Variants in GABBR2 observed in about 807,000 individuals in gnomAD.
GABBR2 encodes the protein gamma-aminobutyric acid type B receptor subunit 2.
In GABBR2, 23 loss-of-function variants were observed where a neutral mutation model predicts 105.6. The observed-to-expected ratio is 0.22, with a 90% confidence interval of 0.16 to 0.31. The LOEUF is 0.31. Ranked by LOEUF, GABBR2 falls within the 10% of genes least tolerant of loss-of-function variation. The probability of loss-of-function intolerance (pLI) is 1.00; values close to 1 mark genes in which losing one functional copy is unlikely to be tolerated. For synonymous variants in GABBR2, 478 were observed against 499.7 expected (o/e 0.96, Z 0.58); for missense variants, 734 against 1,245.5 (o/e 0.59, Z 6.18).
intron 6 of GABBR2, among the ~76,000 whole-genome samples, chr9:98,455,158 A>AT (rs75911165): frequency 8.6e-5 from 13 of 151,692 alleles, no homozygotes; most frequent in Non-Finnish European, 1.0e-4. Context: ...TGAAAAAAAG[A>AT]TTTTTTTTTC....
chr9:98,655,935 G>C (rs1024533657), intron 1 of GABBR2, among the ~76,000 whole-genome samples: 1 of 152,214 alleles, frequency 6.6e-6, no homozygotes, highest in African/African-American at 2.4e-5. Flanking sequence ...GTATACCTAT[G>C]TAACAAACCT....
At chr9:98,445,100 A>T (rs941605741) in intron 7 of GABBR2, among the ~76,000 whole-genome samples, 2 of 152,250 alleles carry the variant, frequency 1.3e-5, no homozygotes, top group African/African-American at 4.8e-5. Flanking sequence ...TTTCTCAATC[A>T]TTTGTGAATT....
chr9:98,335,055 G>A (rs1831089187), intron 13 of GABBR2, among the ~76,000 whole-genome samples: 1 of 152,198 alleles, frequency 6.6e-6, no homozygotes, highest in Admixed American at 6.5e-5. Flanking sequence ...AAGTTCTGGT[G>A]TGGAACTTGC....
chr9:98,633,800 G>A (rs998528605), intron 1 of GABBR2, among the ~76,000 whole-genome samples: 3 of 152,110 alleles, frequency 2.0e-5, no homozygotes, highest in African/African-American at 7.2e-5. Context: ...TCAGCAAGGT[G>A]GATGGAGAGT....
At chr9:98,431,903 C>T (rs1825814844) in intron 7 of GABBR2, among the ~76,000 whole-genome samples, 1 of 151,868 alleles carries the variant, frequency 6.6e-6, no homozygotes. Flanking sequence ...ATTTTATTAT[C>T]ACTATTTTTT....
At position 98,400,029 on chromosome 9, in the gene GABBR2, A is replaced by AAC. The variant is rs1554700774; in HGVS notation, c.1298-5775_1298-5774insGT. ...CCCACCTCCATGAAAAAAAAAAAAA[A>AAC]AAAAACCTAGCCAGGCATGGTGGTG... On this transcript the variant is annotated intron_variant, in intron 8 of 18. Coordinates refer to ENST00000259455, the MANE Select transcript of GABBR2 (RefSeq NM_005458.8). Among the ~76,000 whole-genome samples the AAC allele has an allele frequency of 5.7e-3, 845 of 149,530 alleles. 8 individuals carry two copies. The highest frequency in any genetic ancestry group is 0.019 in the African/African-American group (764 of 39,980).
At chr9:98,550,130 C>T (rs1389591172) in intron 2 of GABBR2, among the ~76,000 whole-genome samples, 2 of 152,226 alleles carry the variant, frequency 1.3e-5, no homozygotes, top group Admixed American at 6.5e-5. Flanking sequence ...CTGCCCCCCA[C>T]CCATCACCTT....
intron 1 of GABBR2, among the ~76,000 whole-genome samples, chr9:98,680,391 C>G (rs935419601): frequency 2.0e-5 from 3 of 152,056 alleles, no homozygotes; most frequent in Non-Finnish European, 4.4e-5. Flanking sequence ...CTGCAAGCTC[C>G]GCCTCCCAGG....
chr9:98,381,765 A>G (rs1358775022), intron 11 of GABBR2, among the ~76,000 whole-genome samples: 2 of 152,170 alleles, frequency 1.3e-5, no homozygotes. Flanking sequence ...CCTCATTTTC[A>G]GAGCCGATGC....
chr9:98,701,465 G>A (rs1421057452), intron 1 of GABBR2, among the ~76,000 whole-genome samples: 1 of 152,160 alleles, frequency 6.6e-6, no homozygotes, highest in South Asian at 2.1e-4. Flanking sequence ...GCCCTGATAT[G>A]TAGTGCCACC....
At chr9:98,323,537 G>A (rs1174422039) in intron 13 of GABBR2, among the ~76,000 whole-genome samples, 1 of 152,218 alleles carries the variant, frequency 6.6e-6, no homozygotes, top group Admixed American at 6.5e-5. Context: ...TGGGGGAGAG[G>A]GTGGTGGTTG....
In GABBR2 at chr9:98,541,913, C is replaced by A. The variant is rs1214384447; in HGVS notation, c.590G>T (p.Arg197Leu). The part of the protein sequence containing the change: ...LKLLKHYQWK[R>L]VGTLTQDVQR... ...AACGTCTTGCGTCAGCGTGCCCACG[C>A]GCTTCCACTGGTAGTGCTTGAGCAA... The change falls in exon 3 of 19, where the codon CGC (arginine) becomes CTC (leucine). Residue 197 changes from arginine to leucine, a missense_variant. Physicochemically the swap from Arg to Leu is moderately radical, Grantham distance 102. Transcript: ENST00000259455. The A allele has an allele frequency of 1.9e-6, 3 of 1,614,118 alleles. No individual in the cohort carries two copies. The highest frequency in any genetic ancestry group is 2.5e-6 in the Non-Finnish European group (3 of 1,180,022).
chr9:98,637,707 G>T (rs567256035), intron 1 of GABBR2, among the ~76,000 whole-genome samples: 1 of 152,126 alleles, frequency 6.6e-6, no homozygotes, highest in African/African-American at 2.4e-5. Context: ...GCTTCTAGAA[G>T]CTGGAAAAGG....
At chr9:98,409,589 C>T (rs1474843987) in intron 7 of GABBR2, among the ~76,000 whole-genome samples, 3 of 152,202 alleles carry the variant, frequency 2.0e-5, no homozygotes, top group African/African-American at 7.2e-5. Context: ...TCCCCAGCGG[C>T]TAGCATCTGG....
intron 6 of GABBR2, among the ~76,000 whole-genome samples, chr9:98,468,033 G>A (rs1416248922): frequency 1.3e-5 from 2 of 152,246 alleles, no homozygotes; most frequent in East Asian, 3.8e-4. Context: ...CCTCAGTGGA[G>A]AGAAGGAGCC....
rs888302263 is a variant in GABBR2, at chr9:98,319,621, C to T, written c.1894-8416G>A. 4.6e-5 allele frequency among the ~76,000 whole-genome samples: 7 copies of T among 152,172 alleles called. No individual in the cohort carries two copies. The South Asian group carries it at 6.2e-4, about 14-fold the overall frequency. On this transcript the variant is annotated intron_variant, in intron 13 of 18. Transcript: ENST00000259455. Reference sequence around the variant, plus strand: ...TGGGGTGCACAGAACCCCTGGACCCCGCGTACTAAAGGCCATGAATGTCCT... The same window carrying T: ...TGGGGTGCACAGAACCCCTGGACCCTGCGTACTAAAGGCCATGAATGTCCT...
chr9:98,360,469 A>T (rs936375660), intron 13 of GABBR2, among the ~76,000 whole-genome samples: 32 of 152,256 alleles, frequency 2.1e-4, no homozygotes, highest in Admixed American at 1.5e-3. Flanking sequence ...GAGACACAGG[A>T]ACAGCCTATC....
intron 15 of GABBR2, among the ~76,000 whole-genome samples, chr9:98,305,739 C>T (rs754991040): frequency 4.6e-5 from 7 of 151,462 alleles, no homozygotes; most frequent in Non-Finnish European, 5.9e-5. Flanking sequence ...TGCTCGATTC[C>T]GGGAGGTTGA....
chr9:98,288,411 G>A lies in GABBR2; in HGVS notation c.*2173C>T, dbSNP rs560994676. 14 of 152,682 alleles carry A rather than the reference G, an allele frequency of 9.2e-5. No homozygotes were observed. The highest frequency in any genetic ancestry group is 3.4e-4 in the African/African-American group (14 of 41,542). 9.5% of individuals were successfully genotyped at this position (152,682 alleles called of 1,614,324 possible). On this transcript the variant is annotated 3_prime_UTR_variant, in exon 19 of 19. Coordinates refer to ENST00000259455, the MANE Select transcript of GABBR2 (RefSeq NM_005458.8). ...ATCAGTAAGACAGAGAATGTACTTC[G>A]TGAGTTAACCTAGAAGACAGCGCAC...
Sources: allele counts gnomAD v4.1 joint callset (sites outside exome capture counted in the v4.1 genomes callset), GRCh38; gene constraint gnomAD v4.1.1; transcripts MANE v1.5; gene names NCBI Gene and HGNC (gene_info 2026-07-23, HGNC 2026-07-21).